Variants in NBAS observed in about 807,000 individuals in gnomAD.
The protein encoded by NBAS is NAG/BC035112 fusion.
NBAS carries 219 observed loss-of-function variants against 302.5 expected under a neutral mutation model. The observed-to-expected ratio is 0.72, with a 90% CI of 0.65 to 0.81. The LOEUF is 0.81. NBAS is among the 30% of genes least tolerant of loss of function. NBAS has a pLI of 0.00. For synonymous variants in NBAS, 1,118 were observed against 1,021.6 expected, an observed-to-expected ratio of 1.09 and a Z score of -1.80; for missense variants, 2,932 against 2,841.6, an observed-to-expected ratio of 1.03 and a Z score of -0.72.
the NBAS span, among the ~76,000 whole-genome samples, chr2:14,983,659 G>C: frequency 0.027 from 4,098 of 152,250 alleles, 63 homozygotes; most frequent in Non-Finnish European, 0.041. Context: ...AGAAAAGTTT[G>C]AGGGACAGAA....
the NBAS span, among the ~76,000 whole-genome samples, chr2:15,161,646 C>T: frequency 6.6e-5 from 10 of 152,208 alleles, no homozygotes; most frequent in African/African-American, 2.4e-4. Flanking sequence ...TGGGTTGTTT[C>T]ACCCCGGGCC....
At chr2:15,531,578 A>G (rs1170430513) in intron 9 of NBAS, among the ~76,000 whole-genome samples, 1 of 152,206 alleles carries the variant, frequency 6.6e-6, no homozygotes, top group African/African-American at 2.4e-5. Context: ...GTAAGAAGTT[A>G]CCAGGTGGGT....
intron 32 of NBAS, among the ~76,000 whole-genome samples, chr2:15,363,445 T>C (rs1224789847): frequency 2.0e-5 from 3 of 152,168 alleles, no homozygotes; most frequent in Non-Finnish European, 2.9e-5. Flanking sequence ...TCTGTGAAAA[T>C]AGCCAGATGC....
chr2:15,000,317 G>GT, the NBAS span, among the ~76,000 whole-genome samples: 1 of 152,088 alleles, frequency 6.6e-6, no homozygotes, highest in Non-Finnish European at 1.5e-5. Flanking sequence ...ATACTCCTGG[G>GT]TAACTCTGGA....
chr2:15,541,662 C>A lies in NBAS; in HGVS notation c.380-2306G>T, dbSNP rs549634821. On this transcript the variant is annotated intron_variant, in intron 6 of 51. Transcript: ENST00000281513. The stretch of plus-strand genomic sequence containing the variant: ...AGATACTGCATACATTCTGGAACAG[C>A]CATTTTTGTAAGTGGGAATAATTTT... Among the ~76,000 whole-genome samples the A allele has an allele frequency of 4.9e-4, 75 of 152,044 alleles. 1 individual carries two copies. The highest frequency in any genetic ancestry group is 1.7e-3 in the African/African-American group (71 of 41,474).
At chr2:15,212,114 T>C (rs544450559) in intron 48 of NBAS, among the ~76,000 whole-genome samples, 1 of 152,346 alleles carries the variant, frequency 6.6e-6, no homozygotes, top group Admixed American at 6.5e-5. Context: ...ACCAAGTCCA[T>C]GGATACTAAC....
chr2:14,999,044 A>G, the NBAS span, among the ~76,000 whole-genome samples: 53,850 of 152,010 alleles, frequency 0.35, 10,300 homozygotes, highest in Non-Finnish European at 0.43. Context: ...GCTCCCTCTC[A>G]GAGACCCTCT....
intron 48 of NBAS, among the ~76,000 whole-genome samples, chr2:15,207,887 T>C (rs1004120413): frequency 5.3e-5 from 8 of 151,758 alleles, no homozygotes; most frequent in African/African-American, 9.7e-5. Context: ...TGGACTAACA[T>C]AGTAACTAAC....
chr2:14,957,606 C>G, the NBAS span, among the ~76,000 whole-genome samples: 3 of 152,198 alleles, frequency 2.0e-5, no homozygotes, highest in Non-Finnish European at 4.4e-5. Context: ...ACCCACCTTT[C>G]CAGCCATTCT....
At chr2:15,419,787 C>CG (rs1427866111) in intron 23 of NBAS, among the ~76,000 whole-genome samples, 3 of 151,992 alleles carry the variant, frequency 2.0e-5, no homozygotes, top group African/African-American at 7.3e-5. Context: ...TCTCGGCTCA[C>CG]GGCAAGCTCT....
intron 35 of NBAS, among the ~76,000 whole-genome samples, chr2:15,347,250 G>T (rs1673136035): frequency 1.3e-5 from 2 of 152,118 alleles, no homozygotes; most frequent in African/African-American, 4.8e-5. Context: ...CAAAAAGTTT[G>T]GCAGTTTCTT....
the NBAS span, among the ~76,000 whole-genome samples, chr2:14,945,955 C>T: frequency 1.1e-4 from 17 of 152,242 alleles, no homozygotes; most frequent in African/African-American, 3.6e-4. Flanking sequence ...GTGGCACGTG[C>T]CTGTAATCCC....
the NBAS span, among the ~76,000 whole-genome samples, chr2:15,115,870 C>G: frequency 7.2e-5 from 11 of 152,254 alleles, no homozygotes; most frequent in Admixed American, 3.9e-4. Context: ...TTAACAATAA[C>G]CATTGAGGGG....
At chr2:15,080,629 T>G in the NBAS span, among the ~76,000 whole-genome samples, 1 of 152,340 alleles carries the variant, frequency 6.6e-6, no homozygotes, top group South Asian at 2.1e-4. Flanking sequence ...AGCCATCAAC[T>G]GAAATCACTC....
intron 38 of NBAS, among the ~76,000 whole-genome samples, chr2:15,320,703 G>C (rs1290756924): frequency 2.0e-5 from 3 of 152,048 alleles, no homozygotes; most frequent in African/African-American, 7.2e-5. Flanking sequence ...GATGTGAAGG[G>C]CCTCTTCAAG....
At chr2:15,489,613 T>C (rs1680772438) in intron 11 of NBAS, among the ~76,000 whole-genome samples, 1 of 152,204 alleles carries the variant, frequency 6.6e-6, no homozygotes, top group Non-Finnish European at 1.5e-5. Context: ...TGCCAAATTA[T>C]CCAGTTTAAG....
chr2:15,155,858 C>T, the NBAS span, among the ~76,000 whole-genome samples: 71 of 152,274 alleles, frequency 4.7e-4, 2 homozygotes, highest in East Asian at 0.013. Context: ...GGCTCCATTG[C>T]GCAGATGGTC....
At chr2:14,954,933 C>G in the NBAS span, among the ~76,000 whole-genome samples, 2 of 152,194 alleles carry the variant, frequency 1.3e-5, no homozygotes, top group South Asian at 4.1e-4. Context: ...TATGTCCTCA[C>G]ATGTCAAAAC....
In NBAS at chr2:15,512,306, C is replaced by T. The variant is rs149370582; in HGVS notation, c.747-956G>A. ...GACATAACACCATGAGCTCTCAATACGGACCCTTCAAGACCAGTGGAGGTG... is the reference window on the plus strand; with the variant it reads ...GACATAACACCATGAGCTCTCAATATGGACCCTTCAAGACCAGTGGAGGTG... On this transcript the variant is annotated intron_variant, in intron 9 of 51. Coordinates refer to ENST00000281513, the MANE Select transcript of NBAS (RefSeq NM_015909.4). Among the ~76,000 whole-genome samples the T allele has an allele frequency of 5.1e-3, 781 of 152,190 alleles. 3 individuals carry two copies. Among genetic ancestry groups the T allele is most frequent in the African/African-American group, 0.017 (693 of 41,498 alleles).
Sources: allele counts gnomAD v4.1 joint callset (sites outside exome capture counted in the v4.1 genomes callset), GRCh38; gene constraint gnomAD v4.1.1; transcripts MANE v1.5; gene names NCBI Gene and HGNC (gene_info 2026-07-23, HGNC 2026-07-21).